MAPK12: variants seen among roughly 807,000 people sequenced by gnomAD.
MAPK12 encodes mitogen-activated protein kinase 12, also known as MAP kinase 12.
A neutral mutation model predicts 49.1 loss-of-function variants in MAPK12; 49 were observed. The observed-to-expected ratio is 1.00, with a 90% CI of 0.79 to 1.27. The LOEUF is 1.27. Ranked by LOEUF, MAPK12 falls within the 50% of genes most tolerant of loss-of-function variation. The probability of loss-of-function intolerance (pLI) is 0.00; values close to 1 mark genes in which losing one functional copy is unlikely to be tolerated. For missense variants in MAPK12, 554 were observed against 502.4 expected, an observed-to-expected ratio of 1.10 and a Z score of -0.98; for synonymous variants, 251 against 209.7, an observed-to-expected ratio of 1.20 and a Z score of -1.70.
intron 11 of MAPK12, 138 bp from the exon 12 acceptor site, chr22:50,253,618 G>A (rs2065120887): frequency 1.6e-6 from 1 of 629,978 alleles, no homozygotes; most frequent in Non-Finnish European, 2.9e-6. Context: ...ACCACTGAGA[G>A]AAGGTTTGTG....
chr22:50,253,821 C>T (rs1273705838), intron 11 of MAPK12: 1 of 363,180 alleles, frequency 2.8e-6, no homozygotes, highest in Admixed American at 4.4e-5. Context: ...TTTAATCAAA[C>T]AAAGCCAAAC....
intron 11 of MAPK12, chr22:50,254,965 C>T (rs2065132722): frequency 7.0e-7 from 1 of 1,420,510 alleles, no homozygotes; most frequent in African/African-American, 1.4e-5. Context: ...CCCATGCTGC[C>T]CTGACCTCCC....
At chr22:50,257,415 C>G (rs952573660) in intron 3 of MAPK12, 4 of 578,514 alleles carry the variant, frequency 6.9e-6, no homozygotes, top group Non-Finnish European at 1.3e-5. Context: ...AGCGCTCACA[C>G]CCCCCTCCCA....
intron 11 of MAPK12, 136 bp downstream of exon 11, chr22:50,255,061 A>G (rs2065133679): frequency 2.0e-6 from 3 of 1,510,994 alleles, no homozygotes; most frequent in South Asian, 2.5e-5. Context: ...GGGTCCACAC[A>G]GGCCCTACCC....
chr22:50,256,552 A>G, intron 6 of MAPK12, 47 bp downstream of exon 6: 1 of 1,593,080 alleles, frequency 6.3e-7, no homozygotes, highest in Admixed American at 1.8e-5. Context: ...GCAGATCCAG[A>G]GGGGGCCCCT....
rs548249395 is a variant in MAPK12, at chr22:50,259,578, T to C, written c.256-1277A>G. On this transcript the variant is annotated intron_variant, in intron 2 of 11. Coordinates refer to ENST00000215659, the MANE Select transcript of MAPK12 (RefSeq NM_002969.6). ...CGGAGATCCCAGCACAGCGGGGCGG[T>C]GGCTAAAGAAAAGCCCCGGTGGAGC... 9.2e-5 allele frequency among the ~76,000 whole-genome samples: 14 copies of C among 152,074 alleles called. No individual in the cohort carries two copies. In the South Asian group the frequency reaches 1.7e-3, roughly 18 times the overall value.
At chr22:50,257,233 G>T in intron 3 of MAPK12, 40 bp from the exon 4 acceptor site, 1 of 1,531,054 alleles carries the variant, frequency 6.5e-7, no homozygotes. Context: ...GACAGAGCCA[G>T]CCTCTGCATC....
intron 2 of MAPK12, among the ~76,000 whole-genome samples, chr22:50,260,637 C>T (rs1258416567): frequency 1.3e-5 from 2 of 152,182 alleles, no homozygotes; most frequent in Non-Finnish European, 2.9e-5. Flanking sequence ...AACCCTTCAC[C>T]CCCAGGGGCT....
chr22:50,256,467 C>T, intron 6 of MAPK12, 132 bp downstream of exon 6: 1 of 1,224,832 alleles, frequency 8.2e-7, no homozygotes, highest in South Asian at 1.5e-5. Flanking sequence ...GGCTCACCCA[C>T]CCACCAGCTC....
intron 5 of MAPK12, 94 bp downstream of exon 5, chr22:50,256,840 CA>C: frequency 6.5e-7 from 1 of 1,544,246 alleles, no homozygotes; most frequent in Non-Finnish European, 8.8e-7. Flanking sequence ...CGTGGCTCAG[CA>C]CCCAGACCCC....
chr22:50,254,844 T>G (rs1186655268), intron 11 of MAPK12: 5 of 1,177,846 alleles, frequency 4.2e-6, no homozygotes, highest in South Asian at 3.6e-5. Context: ...ACAGCTGCCT[T>G]TCACCACTCC....
rs753323691 is a variant in MAPK12, at chr22:50,256,930, C to A, written c.456+5G>T. ...CTGATGAGCGGCTTCTCCACCGGGACTCACTCTGTGGATGATGCCGGCAGC... is the reference window on the plus strand; with the variant it reads ...CTGATGAGCGGCTTCTCCACCGGGAATCACTCTGTGGATGATGCCGGCAGC... On this transcript the variant is annotated splice_donor_5th_base_variant and intron_variant, in intron 5 of 11. Coordinates refer to ENST00000215659, the MANE Select transcript of MAPK12 (RefSeq NM_002969.6). 8 of 1,606,062 alleles carry A rather than the reference C, an allele frequency of 5.0e-6. No individual in the cohort carries two copies. The African/African-American group carries it at 1.1e-4, about 21-fold the overall frequency.
intron 2 of MAPK12, among the ~76,000 whole-genome samples, chr22:50,259,871 C>G (rs896055107): frequency 1.1e-4 from 16 of 145,166 alleles, no homozygotes. Flanking sequence ...GCAACAAGAG[C>G]GAAACTCGGT....
intron 11 of MAPK12, 22 bp from the exon 12 acceptor site, chr22:50,253,502 G>GGGGGGGCCCCCCCCCC: frequency 1.2e-5 from 2 of 171,656 alleles, no homozygotes; most frequent in Non-Finnish European, 2.3e-5. Flanking sequence ...GGGGGGGCGG[G>GGGGGGGCCCCCCCCCC]CACAACAGAG....
intron 11 of MAPK12, chr22:50,254,774 G>A (rs2147254630): frequency 1.8e-6 from 2 of 1,126,514 alleles, no homozygotes; most frequent in Non-Finnish European, 2.2e-6. Flanking sequence ...CCTGGACATG[G>A]CGGAAGGGCA....
chr22:50,255,547 G>C lies in MAPK12; in HGVS notation c.772-16C>G, dbSNP rs755748463. The C allele has an allele frequency of 1.2e-6, 2 of 1,613,170 alleles. No individual in the cohort carries two copies. Among genetic ancestry groups the C allele is most frequent in the Admixed American group, 1.7e-5 (1 of 60,036 alleles). ...AGTTCTTGGCCTGTGTGGGAAGAAA[G>C]GGTGAGGGGCCAACACCAAGGCCCA... On this transcript the variant is annotated splice_polypyrimidine_tract_variant and intron_variant, in intron 9 of 11. Coordinates refer to ENST00000215659, the MANE Select transcript of MAPK12 (RefSeq NM_002969.6).
intron 11 of MAPK12, 22 bp from the exon 12 acceptor site, chr22:50,253,502 G>GGGGGCCCCCCCCC: frequency 5.8e-6 from 1 of 171,678 alleles, no homozygotes; most frequent in Non-Finnish European, 1.1e-5. Flanking sequence ...GGGGGGGCGG[G>GGGGGCCCCCCCCC]CACAACAGAG....
At position 50,256,648 on chromosome 22, in the gene MAPK12, TG is replaced by T; in HGVS notation, c.457-3del. The T allele has an allele frequency of 1.2e-6, 2 of 1,610,668 alleles. No homozygotes were observed. Among genetic ancestry groups the T allele is most frequent in the Non-Finnish European group, 1.7e-6 (2 of 1,178,570 alleles). On this transcript the variant is annotated splice_polypyrimidine_tract_variant and splice_region_variant and intron_variant, in intron 5 of 11. Coordinates refer to ENST00000215659, the MANE Select transcript of MAPK12 (RefSeq NM_002969.6). ...AGCCAGGTTGCCGGGCTTCAGGTCC[TG>T]GGGGCAGAGGAAAGGTGGCCACTGT... is the stretch of plus-strand genomic sequence containing the variant.
chr22:50,257,176 A>T lies in MAPK12; in HGVS notation c.332T>A (p.Phe111Tyr). 6.2e-7 allele frequency: 1 copy of T among 1,612,482 alleles called. No homozygotes were observed. The highest frequency in any genetic ancestry group is 8.5e-7 in the Non-Finnish European group (1 of 1,179,832). Residue 111 changes from phenylalanine (F) to tyrosine (Y), a missense_variant, in exon 4 of 12, where the codon TTC becomes TAC. Transcript: ENST00000215659. ...DFTDFYLVMP[F>Y]MGTDLGKLMK... ...GAGCTTGCCCAGGTCGGTGCCCATGAACGGCATCACCAGGTAACTGTGGGA... is the reference window on the plus strand; with the variant it reads ...GAGCTTGCCCAGGTCGGTGCCCATGTACGGCATCACCAGGTAACTGTGGGA...
Sources: gnomAD v4.1 joint callset for allele counts (sites outside exome capture counted in the v4.1 genomes callset) on GRCh38, gnomAD v4.1.1 for gene constraint, MANE v1.5 for transcripts, NCBI Gene and HGNC (gene_info 2026-07-23, HGNC 2026-07-21) for gene names.